The following CTNNA3 variants were observed in gnomAD, a reference collection of about 807,000 sequenced individuals.
The protein encoded by CTNNA3 is catenin alpha-3.
Under a neutral mutation model 95.7 loss-of-function variants are expected in CTNNA3, and 76 were observed. The ratio of observed to expected loss-of-function variants is 0.79; its 90% CI spans 0.66 to 0.96. The LOEUF (loss-of-function observed/expected upper bound fraction) is 0.96, where lower values mean the gene tolerates loss of function less well. CTNNA3 is among the 40% of genes least tolerant of loss of function. The pLI is 0.00. For missense variants in CTNNA3, 1,191 were observed against 1,089.8 expected (o/e 1.09, Z -1.31); for synonymous variants, 431 against 374.4 (o/e 1.15, Z -1.74).
At chr10:67,331,891 A>C (rs960007505) in intron 5 of CTNNA3, among the ~76,000 whole-genome samples, 1 of 152,190 alleles carries the variant, frequency 6.6e-6, no homozygotes, top group African/African-American at 2.4e-5. Flanking sequence ...CCTGAATCTG[A>C]GGCAATAGGC....
chr10:66,834,859 A>C, intron 7 of CTNNA3, among the ~76,000 whole-genome samples: 1 of 152,176 alleles, frequency 6.6e-6, no homozygotes, highest in South Asian at 2.1e-4. Context: ...TGGAGAGTAC[A>C]ATAAGACAAA....
intron 7 of CTNNA3, among the ~76,000 whole-genome samples, chr10:67,066,338 G>A (rs1055522883): frequency 5.9e-5 from 9 of 151,714 alleles, no homozygotes; most frequent in African/African-American, 2.2e-4. Flanking sequence ...GACTACAGGT[G>A]TGCGCCACCA....
intron 10 of CTNNA3, among the ~76,000 whole-genome samples, chr10:66,603,318 C>A (rs908422685): frequency 6.6e-6 from 1 of 151,830 alleles, no homozygotes; most frequent in Non-Finnish European, 1.5e-5. Flanking sequence ...AAATAAAAAA[C>A]AAGAAAGCAG....
At chr10:66,383,489 T>A (rs567803467) in intron 11 of CTNNA3, among the ~76,000 whole-genome samples, 119 of 152,274 alleles carry the variant, frequency 7.8e-4, no homozygotes, top group African/African-American at 2.8e-3. Context: ...CTGAAAGTGA[T>A]GGGAAGAATG....
intron 5 of CTNNA3, among the ~76,000 whole-genome samples, chr10:67,437,495 AC>A (rs886947269): frequency 4.6e-5 from 7 of 150,670 alleles, no homozygotes; most frequent in Admixed American, 1.3e-4. Context: ...TTTAATAAAT[AC>A]CCCAATAAAT....
intron 11 of CTNNA3, among the ~76,000 whole-genome samples, chr10:66,387,247 C>G (rs1279453218): frequency 4.0e-5 from 6 of 151,684 alleles, no homozygotes; most frequent in Non-Finnish European, 8.8e-5. Context: ...AACCAATTTA[C>G]TAGAAAAAAA....
chr10:66,971,031 A>G (rs1210300153), intron 7 of CTNNA3, among the ~76,000 whole-genome samples: 1 of 152,118 alleles, frequency 6.6e-6, no homozygotes. Flanking sequence ...GAGTATTTGC[A>G]TTATTTGCTC....
chr10:66,502,822 A>G (rs1180330715), intron 11 of CTNNA3, among the ~76,000 whole-genome samples: 1 of 152,192 alleles, frequency 6.6e-6, no homozygotes, highest in African/African-American at 2.4e-5. Flanking sequence ...TCCTGGCAAC[A>G]TAACCCAGGT....
chr10:66,171,710 C>T (rs894421291), intron 13 of CTNNA3, among the ~76,000 whole-genome samples: 4 of 151,980 alleles, frequency 2.6e-5, no homozygotes, highest in African/African-American at 4.8e-5. Context: ...TGGAAGAAAT[C>T]GAGCAGTACT....
At chr10:66,684,312 C>T (rs1211043703) in intron 9 of CTNNA3, among the ~76,000 whole-genome samples, 1 of 152,016 alleles carries the variant, frequency 6.6e-6, no homozygotes, top group Non-Finnish European at 1.5e-5. Flanking sequence ...AGCTGAGATT[C>T]AATAATACCA....
At chr10:67,549,076 T>A (rs1840933434) in intron 3 of CTNNA3, among the ~76,000 whole-genome samples, 1 of 152,152 alleles carries the variant, frequency 6.6e-6, no homozygotes, top group Non-Finnish European at 1.5e-5. Context: ...AGTAAGGACC[T>A]TTGAATAAGT....
At chr10:67,470,704 T>A (rs972637192) in intron 5 of CTNNA3, among the ~76,000 whole-genome samples, 37 of 152,082 alleles carry the variant, frequency 2.4e-4, no homozygotes, top group Non-Finnish European at 4.6e-4. Flanking sequence ...AAATCTGTGT[T>A]ACTTTAACAC....
intron 7 of CTNNA3, among the ~76,000 whole-genome samples, chr10:66,986,892 G>C (rs137897864): frequency 0.01 from 1,593 of 152,228 alleles, 32 homozygotes; most frequent in African/African-American, 0.036. Flanking sequence ...ATACAGAAGT[G>C]CACCAAATAG....
At chr10:67,086,556 G>C (rs2394344) in intron 7 of CTNNA3, among the ~76,000 whole-genome samples, 83,354 of 151,716 alleles carry the variant, frequency 0.55, 24,100 homozygotes, top group African/African-American at 0.74. Context: ...ATTTTTAGAT[G>C]AGGCATGTCA....
chr10:66,540,235 C>CT (rs1404460523), intron 10 of CTNNA3, among the ~76,000 whole-genome samples: 1 of 152,140 alleles, frequency 6.6e-6, no homozygotes, highest in Non-Finnish European at 1.5e-5. Context: ...AACTAATTCT[C>CT]TGTCTATGAA....
intron 12 of CTNNA3, among the ~76,000 whole-genome samples, chr10:66,340,981 T>C (rs941212497): frequency 9.9e-5 from 15 of 151,872 alleles, no homozygotes; most frequent in African/African-American, 3.6e-4. Context: ...GGAATCAGAT[T>C]AAGAAACATA....
chr10:66,320,853 GA>G (rs2092173585), intron 12 of CTNNA3, among the ~76,000 whole-genome samples: 2 of 152,072 alleles, frequency 1.3e-5, no homozygotes, highest in African/African-American at 4.8e-5. Flanking sequence ...TTTTCATTTA[GA>G]CTTTTGTTAA....
In CTNNA3 at chr10:66,186,564, T is replaced by G. The variant is rs549473496; in HGVS notation, c.1885-83315A>C. Among the ~76,000 whole-genome samples the G allele has an allele frequency of 3.9e-5, 6 of 152,294 alleles. No individual in the cohort carries two copies. The South Asian group carries it at 1.2e-3, about 32-fold the overall frequency. ...CATTATCATAAGATATATCAACATT[T>G]CATATGTTAATAAGAGATTTAAAGA... On this transcript the variant is annotated intron_variant, in intron 13 of 17. Transcript: ENST00000433211.
chr10:67,480,051 G>A (rs9988758), intron 5 of CTNNA3, among the ~76,000 whole-genome samples: 15,127 of 151,736 alleles, frequency 0.1, 1,072 homozygotes, highest in East Asian at 0.35. Flanking sequence ...TTGAAACCCT[G>A]GACAGACCAA....
Sources: allele counts gnomAD v4.1 joint callset (sites outside exome capture counted in the v4.1 genomes callset), GRCh38; gene constraint gnomAD v4.1.1; transcripts MANE v1.5; gene names NCBI Gene and HGNC (gene_info 2026-07-23, HGNC 2026-07-21).